The following CLIC5 variants were observed in gnomAD, a reference collection of about 807,000 sequenced individuals.
The protein encoded by CLIC5 is chloride intracellular channel protein 5.
CLIC5 carries 20 observed loss-of-function variants against 24.7 expected under a neutral mutation model. The ratio of observed to expected loss-of-function variants is 0.81; its 90% CI spans 0.57 to 1.18. The LOEUF is 1.18. Ranked by LOEUF, CLIC5 falls within the 50% of genes most tolerant of loss-of-function variation. CLIC5 has a pLI of 0.00. For missense variants in CLIC5, 341 were observed against 326.1 expected, an observed-to-expected ratio of 1.05 and a Z score of -0.35; for synonymous variants, 159 against 135.6, an observed-to-expected ratio of 1.17 and a Z score of -1.20.
At chr6:46,099,937 A>G in the CLIC5 span, among the ~76,000 whole-genome samples, 1 of 152,206 alleles carries the variant, frequency 6.6e-6, no homozygotes, top group East Asian at 1.9e-4. Flanking sequence ...TTCTATCTCA[A>G]GGAAAACTTC....
At chr6:46,003,220 C>T (rs1691807585) in intron 1 of CLIC5, among the ~76,000 whole-genome samples, 1 of 152,158 alleles carries the variant, frequency 6.6e-6, no homozygotes, top group Non-Finnish European at 1.5e-5. Context: ...CAAACTGATT[C>T]TCTGATTTTG....
At chr6:46,029,330 A>G (rs908555002) in intron 1 of CLIC5, among the ~76,000 whole-genome samples, 1 of 152,202 alleles carries the variant, frequency 6.6e-6, no homozygotes, top group Non-Finnish European at 1.5e-5. Flanking sequence ...TAATATTTGC[A>G]TGGGATTTCC....
At chr6:46,025,872 C>T (rs559274530) in intron 1 of CLIC5, among the ~76,000 whole-genome samples, 2 of 152,258 alleles carry the variant, frequency 1.3e-5, no homozygotes, top group South Asian at 4.1e-4. Context: ...GCACTTCCCC[C>T]TTTGTTCTCT....
the CLIC5 span, among the ~76,000 whole-genome samples, chr6:46,099,664 A>C: frequency 4.6e-5 from 7 of 152,168 alleles, no homozygotes; most frequent in Admixed American, 6.5e-5. Flanking sequence ...TGTGTCTTTA[A>C]ACCCAGAAAA....
upstream of CLIC5, among the ~76,000 whole-genome samples, chr6:46,080,856 A>G (rs1251055633): frequency 8.5e-5 from 13 of 152,330 alleles, no homozygotes; most frequent in East Asian, 2.1e-3. Context: ...CAGCAGAAGG[A>G]AAAGAAGATA....
chr6:46,039,594 A>G (rs1016998775), intron 1 of CLIC5, among the ~76,000 whole-genome samples: 11 of 152,138 alleles, frequency 7.2e-5, no homozygotes, highest in African/African-American at 2.4e-4. Context: ...TAAAGAAGAA[A>G]AAACATTTCT....
intron 3 of CLIC5, among the ~76,000 whole-genome samples, chr6:45,943,064 C>T (rs1764185753): frequency 6.6e-6 from 1 of 152,210 alleles, no homozygotes; most frequent in African/African-American, 2.4e-5. Flanking sequence ...ATTCCCTTTA[C>T]ACGTATTCAC....
rs1455888658 is a variant in CLIC5 at position 46,009,054 on chromosome 6, G to A, written c.63+6426C>T. ...CCTAAATCTGAAACTCTATAGACAG[G>A]ACCTGGGCAGGTACAAGTGAAGAAG... On this transcript the variant is annotated intron_variant, in intron 1 of 5. Coordinates refer to ENST00000339561, the MANE Select transcript of CLIC5 (RefSeq NM_016929.5). Among the ~76,000 whole-genome samples the A allele has an allele frequency of 3.3e-5, 5 of 152,156 alleles. No homozygotes were observed. The East Asian group carries it at 5.9e-4, about 18-fold the overall frequency.
At chr6:45,936,853 C>G (rs1481328398) in intron 4 of CLIC5, among the ~76,000 whole-genome samples, 1 of 152,108 alleles carries the variant, frequency 6.6e-6, no homozygotes, top group Non-Finnish European at 1.5e-5. Flanking sequence ...TAGCACCTGA[C>G]TTAATGTGGG....
At chr6:46,019,543 G>A (rs1470126527), upstream of CLIC5, among the ~76,000 whole-genome samples, 4 of 150,588 alleles carry the variant, frequency 2.7e-5, no homozygotes, top group East Asian at 1.9e-4. Context: ...AAAATTAGCC[G>A]GGCGCGGTGG....
chr6:45,881,243 G>C (rs2127279161), intron 6 of CLIC5: 2 of 397,874 alleles, frequency 5.0e-6, no homozygotes, highest in South Asian at 2.6e-4. Context: ...TGGGCCAAGA[G>C]GTTACATATG....
chr6:46,000,704 C>T (rs909719014), intron 1 of CLIC5, among the ~76,000 whole-genome samples: 7 of 152,118 alleles, frequency 4.6e-5, no homozygotes, highest in Non-Finnish European at 1.0e-4. Flanking sequence ...AGGGGAAATG[C>T]CAGACACTTA....
chr6:45,904,184 T>C (rs1762586264), intron 5 of CLIC5, among the ~76,000 whole-genome samples: 1 of 152,202 alleles, frequency 6.6e-6, no homozygotes, highest in Non-Finnish European at 1.5e-5. Context: ...CTCCAATTTC[T>C]TTATCTCTAA....
chr6:45,928,599 G>A (rs1267893290), intron 4 of CLIC5, among the ~76,000 whole-genome samples: 1 of 152,186 alleles, frequency 6.6e-6, no homozygotes, highest in Non-Finnish European at 1.5e-5. Context: ...TGCATATCCT[G>A]TGCTTAGTGG....
chr6:45,920,652 C>T (rs1763221129), intron 4 of CLIC5: 2 of 972,430 alleles, frequency 2.1e-6, no homozygotes, highest in East Asian at 1.1e-4. Flanking sequence ...ACCACTTACT[C>T]ATCTGTTGGA....
chr6:45,978,325 C>T (rs946871228), intron 1 of CLIC5, among the ~76,000 whole-genome samples: 2 of 152,114 alleles, frequency 1.3e-5, no homozygotes, highest in Non-Finnish European at 2.9e-5. Context: ...ATAAAATACT[C>T]TTCTCTTTGA....
At chr6:46,095,583 T>A in the CLIC5 span, among the ~76,000 whole-genome samples, 1 of 152,212 alleles carries the variant, frequency 6.6e-6, no homozygotes, top group East Asian at 1.9e-4. Context: ...AGCCAACCTC[T>A]TTGCTAATGC....
chr6:45,925,334 T>TTTTTA (rs1763439232), intron 4 of CLIC5, among the ~76,000 whole-genome samples: 1 of 149,340 alleles, frequency 6.7e-6, no homozygotes, highest in African/African-American at 2.5e-5. Flanking sequence ...TTTTTTTTTT[T>TTTTTA]GAGATAGAGT....
intron 1 of CLIC5, among the ~76,000 whole-genome samples, chr6:46,007,142 C>G (rs183420618): frequency 6.6e-6 from 1 of 152,338 alleles, no homozygotes; most frequent in East Asian, 1.9e-4. Flanking sequence ...TAAGGAACAT[C>G]TGCACAGGAC....
Sources: allele counts gnomAD v4.1 joint callset (sites outside exome capture counted in the v4.1 genomes callset), GRCh38; gene constraint gnomAD v4.1.1; transcripts MANE v1.5; gene names NCBI Gene and HGNC (gene_info 2026-07-23, HGNC 2026-07-21).